The following DNAH14 variants were observed in gnomAD, a reference collection of about 807,000 sequenced individuals.
DNAH14 encodes axonemal beta dynein heavy chain 14.
A neutral mutation model predicts 520.9 loss-of-function variants in DNAH14; 478 were observed. That is an observed-to-expected ratio of 0.92 (90% CI 0.85 to 0.99). The LOEUF is 0.99. DNAH14 is among the 50% of genes least tolerant of loss of function. The pLI is 0.00. For synonymous variants in DNAH14, 1,581 were observed against 1,757.2 expected, an observed-to-expected ratio of 0.90 and a Z score of 2.51; for missense variants, 4,831 against 5,234.5, an observed-to-expected ratio of 0.92 and a Z score of 2.38.
intron 37 of DNAH14, among the ~76,000 whole-genome samples, chr1:225,187,735 T>G (rs2084926046): frequency 6.6e-6 from 1 of 151,882 alleles, no homozygotes; most frequent in African/African-American, 2.4e-5. Flanking sequence ...TTATTGGCCA[T>G]TTGTGTATCT....
At chr1:225,073,435 C>T (rs374682734) in intron 17 of DNAH14, among the ~76,000 whole-genome samples, 12 of 151,426 alleles carry the variant, frequency 7.9e-5, no homozygotes, top group East Asian at 4.0e-4. Flanking sequence ...TTCCATCCAA[C>T]GACAAGGAAC....
chr1:225,184,191 A>G (rs2084387446), intron 36 of DNAH14, among the ~76,000 whole-genome samples: 2 of 152,234 alleles, frequency 1.3e-5, no homozygotes, highest in Admixed American at 1.3e-4. Context: ...TCAACAAAAT[A>G]CTAGCAAACT....
chr1:225,335,324 T>G (rs1210832424), intron 66 of DNAH14, among the ~76,000 whole-genome samples: 10 of 114,252 alleles, frequency 8.8e-5, no homozygotes, highest in East Asian at 2.9e-4. Flanking sequence ...TATATGCACA[T>G]ATACACGTGT....
At chr1:224,957,706 A>G (rs745569049) in intron 3 of DNAH14, among the ~76,000 whole-genome samples, 23 of 152,176 alleles carry the variant, frequency 1.5e-4, no homozygotes, top group Non-Finnish European at 8.8e-5. Context: ...AAGTAACATG[A>G]GGACTAGAAA....
chr1:225,087,489 G>A (rs546208437), intron 21 of DNAH14, among the ~76,000 whole-genome samples: 2 of 152,316 alleles, frequency 1.3e-5, no homozygotes, highest in South Asian at 4.1e-4. Context: ...AATCAGACTA[G>A]ACAAAATATA....
intron 10 of DNAH14, among the ~76,000 whole-genome samples, chr1:225,021,487 G>A (rs1580956): frequency 0.9 from 137,623 of 152,178 alleles, 63,775 homozygotes; most frequent in East Asian, 1. Context: ...TAGCATTTCT[G>A]TACACCAAAA....
chr1:225,159,605 G>A, intron 35 of DNAH14, 120 bp downstream of exon 35: 1 of 1,111,192 alleles, frequency 9.0e-7, no homozygotes, highest in Non-Finnish European at 1.2e-6. Flanking sequence ...TTATAATTGA[G>A]GGGATAAAAA....
chr1:225,372,146 C>T lies in DNAH14; in HGVS notation c.12319-2542C>T, dbSNP rs945931771. Among the ~76,000 whole-genome samples, 9 of 152,164 alleles carry T rather than the reference C, an allele frequency of 5.9e-5. No individual in the cohort carries two copies. The South Asian group carries it at 1.5e-3, about 25-fold the overall frequency. On this transcript the variant is annotated intron_variant, in intron 77 of 85. Coordinates refer to ENST00000682510, the MANE Select transcript of DNAH14 (RefSeq NM_001367479.1). ...ATCCATGTTCTTTATGGGAAGGCTT[C>T]CCATATCATAACTATCAATTCTTCC... is the stretch of plus-strand genomic sequence containing the variant.
chr1:225,374,634 T>C, intron 77 of DNAH14, 54 bp from the exon 78 acceptor site: 1 of 1,389,602 alleles, frequency 7.2e-7, no homozygotes, highest in East Asian at 2.5e-5. Context: ...AAAGTCAGAG[T>C]GAGTAAGCTG....
chr1:224,947,680 T>A (rs895069399), intron 1 of DNAH14, among the ~76,000 whole-genome samples: 2 of 152,140 alleles, frequency 1.3e-5, no homozygotes, highest in African/African-American at 4.8e-5. Context: ...GTATAAGCAT[T>A]TTATGGCTGT....
intron 8 of DNAH14, among the ~76,000 whole-genome samples, chr1:224,994,287 A>G (rs560090357): frequency 4.6e-5 from 7 of 152,030 alleles, no homozygotes; most frequent in Admixed American, 2.0e-4. Context: ...GATATCCCCT[A>G]CTATTATTGT....
At chr1:225,019,870 A>G (rs1469486890) in intron 10 of DNAH14, among the ~76,000 whole-genome samples, 4 of 152,296 alleles carry the variant, frequency 2.6e-5, no homozygotes, top group African/African-American at 9.6e-5. Context: ...ATGAAGAGGA[A>G]AGTTTATAGT....
At chr1:225,057,845 A>C (rs1397816852) in intron 17 of DNAH14, among the ~76,000 whole-genome samples, 2 of 152,174 alleles carry the variant, frequency 1.3e-5, no homozygotes, top group African/African-American at 2.4e-5. Context: ...TGATTTTCGT[A>C]TGTTGAAACA....
At position 224,931,925 on chromosome 1, in the gene DNAH14, G is replaced by A. The variant is rs1315459381; in HGVS notation, c.-34+2090G>A. Among the ~76,000 whole-genome samples, 3 of 152,126 alleles carry A rather than the reference G, an allele frequency of 2.0e-5. 1 individual carries two copies. The South Asian group carries it at 6.2e-4, about 32-fold the overall frequency. ...CTGCTGCAATAAATGTGTGAGTGCA[G>A]GTATTCCTTTTATATATTGATTTCT... On this transcript the variant is annotated intron_variant, in intron 1 of 85. Coordinates refer to ENST00000682510, the MANE Select transcript of DNAH14 (RefSeq NM_001367479.1).
At chr1:225,132,751 G>A (rs1322140377) in intron 27 of DNAH14, among the ~76,000 whole-genome samples, 2 of 152,102 alleles carry the variant, frequency 1.3e-5, no homozygotes, top group Non-Finnish European at 2.9e-5. Flanking sequence ...GGGATTGCTG[G>A]ATCAAATGGT....
At chr1:225,007,845 C>A (rs2064303762) in intron 10 of DNAH14, among the ~76,000 whole-genome samples, 1 of 151,394 alleles carries the variant, frequency 6.6e-6, no homozygotes, top group South Asian at 2.1e-4. Context: ...CTTTAGTGGC[C>A]AAGAGAATCA....
chr1:224,976,674 G>A (rs200901428), intron 8 of DNAH14, among the ~76,000 whole-genome samples: 20,009 of 147,082 alleles, frequency 0.14, 2,499 homozygotes, highest in African/African-American at 0.33. Flanking sequence ...AAAAGTGGGC[G>A]AAGGACATGA....
rs1317712554 is a variant in DNAH14 at position 225,346,563 on chromosome 1, T to A, written c.11205T>A (p.Ile3735=). Residue 3735 remains isoleucine, a synonymous_variant, in exon 71 of 86, where the codon ATT becomes ATA. Transcript: ENST00000682510. Reference sequence around the variant, plus strand: ...ATGGAAATCTAATACAGGATGACATTGGATTCCTACCAGAAGAAGAATGGA... The same window carrying A: ...ATGGAAATCTAATACAGGATGACATAGGATTCCTACCAGAAGAAGAATGGA... ...NANGNLIQDD[I]GFLPEEEWNI... is the part of the protein sequence containing the mutation. The A allele has an allele frequency of 6.4e-7, 1 of 1,551,198 alleles. No homozygotes were observed. Among genetic ancestry groups the A allele is most frequent in the Non-Finnish European group, 8.7e-7 (1 of 1,146,700 alleles).
chr1:225,254,863 C>T (rs566232325), intron 44 of DNAH14, among the ~76,000 whole-genome samples: 19 of 152,294 alleles, frequency 1.2e-4, no homozygotes, highest in African/African-American at 4.1e-4. Context: ...GTATTGCCTA[C>T]GCACCCAAAC....
Sources: gnomAD v4.1 joint callset for allele counts (sites outside exome capture counted in the v4.1 genomes callset) on GRCh38, gnomAD v4.1.1 for gene constraint, MANE v1.5 for transcripts, NCBI Gene and HGNC (gene_info 2026-07-23, HGNC 2026-07-21) for gene names.